Variants in UTP25 observed in about 807,000 individuals in gnomAD.
UTP25 encodes U3 small nucleolar RNA-associated protein 25 homolog.
UTP25 carries 50 observed loss-of-function variants against 78.9 expected under a neutral mutation model. That is an observed-to-expected ratio of 0.63 (90% CI 0.50 to 0.80). The LOEUF (loss-of-function observed/expected upper bound fraction) is 0.80, where lower values mean the gene tolerates loss of function less well. Among genes scored for constraint, UTP25 ranks in the 30% least tolerant of loss-of-function variants. The probability of loss-of-function intolerance (pLI) is 0.00; values close to 1 mark genes in which losing one functional copy is unlikely to be tolerated. For missense variants in UTP25, 846 were observed against 911.3 expected (o/e 0.93, Z 0.92); for synonymous variants, 329 against 336.5 (o/e 0.98, Z 0.24).
intron 3 of UTP25, 108 bp downstream of exon 3, chr1:209,831,151 C>T (rs1019832029): frequency 1.7e-6 from 2 of 1,153,006 alleles, no homozygotes; most frequent in African/African-American, 3.1e-5. Flanking sequence ...GGACATGAAT[C>T]CAAAATAGGG....
chr1:209,842,283 A>AG lies in UTP25; in HGVS notation c.1504_1505insG (p.Asn502ArgfsTer22), dbSNP rs2078171309. ...CTCAAAGCATTTGATGAATCACATG[A>AG]ACCTACTACCCCTGGACTCACATGG... On this transcript the variant is annotated frameshift_variant, in exon 9 of 12. Transcript: ENST00000491415. LOFTEE classifies it high-confidence loss of function. 4 of 1,613,674 alleles carry AG rather than the reference A, an allele frequency of 2.5e-6. No homozygotes were observed. The African/African-American group carries it at 5.3e-5, about 22-fold the overall frequency.
Position 209,830,851 on chromosome 1 carries a change from C to T in UTP25, c.196C>T (p.Pro66Ser). 3 of 1,613,990 alleles carry T rather than the reference C, an allele frequency of 1.9e-6. No individual in the cohort carries two copies. The highest frequency in any genetic ancestry group is 2.5e-6 in the Non-Finnish European group (3 of 1,179,944). Residue 66 changes from proline to serine, a missense_variant, in exon 3 of 12, where the codon CCA (proline) becomes TCA (serine). Coordinates refer to ENST00000491415, the MANE Select transcript of UTP25 (RefSeq NM_014388.7). ...TTCTGAAAGCGACTCAGAGAGTGAA[C>T]CACAACAAGTTTCTGGCTACCACAG... ...SDSESDSESE[P>S]QQVSGYHRLL...
rs1064466 is a variant in UTP25, at chr1:209,851,696, G to A, written c.*249G>A. The A allele has an allele frequency of 5.8e-6, 2 of 342,912 alleles. No homozygotes were observed. The highest frequency in any genetic ancestry group is 1.0e-5 in the Non-Finnish European group (2 of 191,394). 21.2% of individuals were successfully genotyped at this position (342,912 alleles called of 1,614,324 possible). ...CTAGAAGGACTCTGAGAAGTTGGTA[G>A]AAGAAAACTCCCACTTGTGAATATT... is the stretch of plus-strand genomic sequence containing the variant. On this transcript the variant is annotated 3_prime_UTR_variant, in exon 12 of 12. Coordinates refer to ENST00000491415, the MANE Select transcript of UTP25 (RefSeq NM_014388.7).
Position 209,851,223 on chromosome 1 carries a change from A to C in UTP25, c.2047A>C (p.Arg683=). 6.2e-7 allele frequency: 1 copy of C among 1,613,494 alleles called. No homozygotes were observed. The highest frequency in any genetic ancestry group is 8.5e-7 in the Non-Finnish European group (1 of 1,179,844). Residue 683 remains arginine, a synonymous_variant, in exon 12 of 12, where the codon AGG becomes CGG. Coordinates refer to ENST00000491415, the MANE Select transcript of UTP25 (RefSeq NM_014388.7). The part of the protein sequence containing the change: ...FYKRYTIKGI[R]NLIFYELPTY... ...TGACAGGTATACAATAAAAGGCATC[A>C]GGAACCTGATTTTCTATGAACTGCC...
intron 11 of UTP25, 115 bp from the exon 12 acceptor site, chr1:209,851,089 T>C: frequency 1.7e-6 from 2 of 1,199,238 alleles, no homozygotes; most frequent in South Asian, 1.8e-5. Flanking sequence ...TGCCACTGTT[T>C]TTCTCCATTA....
At chr1:209,851,046 C>T (rs1273706653) in intron 11 of UTP25, among the ~76,000 whole-genome samples, 158 bp from the exon 12 acceptor site, 1 of 152,200 alleles carries the variant, frequency 6.6e-6, no homozygotes, top group Non-Finnish European at 1.5e-5. Context: ...ATGTTGCCAC[C>T]TCAAGTTAGA....
Position 209,851,254 on chromosome 1 carries a change from A to G in UTP25, c.2078A>G (p.Tyr693Cys). 4.3e-6 allele frequency: 7 copies of G among 1,614,202 alleles called. No homozygotes were observed. The highest frequency in any genetic ancestry group is 5.9e-6 in the Non-Finnish European group (7 of 1,180,030). Residue 693 changes from tyrosine to cysteine, a missense_variant, in exon 12 of 12, where the codon TAT becomes TGT. Transcript: ENST00000491415. ...CTGATTTTCTATGAACTGCCGACAT[A>G]TCCACACTTTTACAGTGAAATCTGT... The part of the protein sequence containing the change: ...RNLIFYELPT[Y>C]PHFYSEICNM...
chr1:209,838,854 C>G (rs753650331), intron 6 of UTP25, 55 bp from the exon 7 acceptor site: 1 of 1,586,506 alleles, frequency 6.3e-7, no homozygotes, highest in East Asian at 2.2e-5. Context: ...AGTTTCACCT[C>G]AAGATCCTGT....
intron 7 of UTP25, among the ~76,000 whole-genome samples, chr1:209,840,368 CA>C (rs1374380681): frequency 1.3e-5 from 2 of 152,174 alleles, no homozygotes; most frequent in African/African-American, 4.8e-5. Flanking sequence ...GTGATAGAAG[CA>C]AAAGTGAGAG....
chr1:209,833,960 G>A (rs1270760335), intron 4 of UTP25, among the ~76,000 whole-genome samples: 1 of 152,162 alleles, frequency 6.6e-6, no homozygotes, highest in Non-Finnish European at 1.5e-5. Flanking sequence ...GGTTGGTCTC[G>A]TTCTGTATCC....
intron 11 of UTP25, among the ~76,000 whole-genome samples, chr1:209,849,020 T>G (rs1572009140): frequency 6.6e-6 from 1 of 152,044 alleles, no homozygotes; most frequent in African/African-American, 2.4e-5. Context: ...GTGTCCTGAT[T>G]GCTCAGCTGT....
chr1:209,835,305 T>C, intron 5 of UTP25, 142 bp downstream of exon 5: 1 of 660,502 alleles, frequency 1.5e-6, no homozygotes, highest in Non-Finnish European at 2.6e-6. Flanking sequence ...TAAGGAAGGC[T>C]AGAAGAGCCT....
chr1:209,851,454 G>A lies in UTP25; in HGVS notation c.*7G>A, dbSNP rs2078238055. 1 of 1,599,602 alleles carries A rather than the reference G, an allele frequency of 6.3e-7. No homozygotes were observed. The highest frequency in any genetic ancestry group is 8.5e-7 in the Non-Finnish European group (1 of 1,172,408). On this transcript the variant is annotated 3_prime_UTR_variant, in exon 12 of 12. Coordinates refer to ENST00000491415, the MANE Select transcript of UTP25 (RefSeq NM_014388.7). Reference sequence around the variant, plus strand: ...CATTACTGGAGAAAAATGAAATTTTGTTGGGCAGGAAGTGGTATTTGGCAT... The same window carrying A: ...CATTACTGGAGAAAAATGAAATTTTATTGGGCAGGAAGTGGTATTTGGCAT...
At chr1:209,840,106 A>G (rs752257769) in intron 7 of UTP25, among the ~76,000 whole-genome samples, 54 of 152,348 alleles carry the variant, frequency 3.5e-4, no homozygotes, top group Middle Eastern at 6.8e-3. Flanking sequence ...AATGTAAGGC[A>G]TAAGGAGACA....
At chr1:209,831,487 G>A (rs2078103148) in intron 3 of UTP25, among the ~76,000 whole-genome samples, 3 of 152,232 alleles carry the variant, frequency 2.0e-5, no homozygotes, top group South Asian at 4.1e-4. Flanking sequence ...CAGAGTGGTT[G>A]AACACTGCCA....
chr1:209,850,837 A>G (rs1430590553), intron 11 of UTP25, among the ~76,000 whole-genome samples: 5 of 152,056 alleles, frequency 3.3e-5, no homozygotes, highest in Non-Finnish European at 7.4e-5. Context: ...TTTTTGCCTG[A>G]TTATAATAAG....
At chr1:209,831,109 G>A in intron 3 of UTP25, 66 bp downstream of exon 3, 3 of 1,548,576 alleles carry the variant, frequency 1.9e-6, no homozygotes, top group Non-Finnish European at 2.7e-6. Context: ...TCATGAGCAT[G>A]GTACCTTATA....
intron 3 of UTP25, among the ~76,000 whole-genome samples, chr1:209,831,726 C>T (rs629224): frequency 0.67 from 101,801 of 151,628 alleles, 34,961 homozygotes; most frequent in Non-Finnish European, 0.75. Context: ...GTCAGTTCCC[C>T]ACCCTTGGCA....
intron 6 of UTP25, among the ~76,000 whole-genome samples, chr1:209,838,018 G>A (rs914074201): frequency 5.9e-5 from 9 of 152,094 alleles, no homozygotes; most frequent in South Asian, 2.1e-4. Flanking sequence ...AAGCCCCGAC[G>A]CTTACTGTCA....
Sources: gnomAD v4.1 joint callset for allele counts (sites outside exome capture counted in the v4.1 genomes callset) on GRCh38, gnomAD v4.1.1 for gene constraint, MANE v1.5 for transcripts, NCBI Gene and HGNC (gene_info 2026-07-23, HGNC 2026-07-21) for gene names.